Variants in CALN1 observed in about 807,000 individuals in gnomAD.
CALN1 encodes calcium-binding protein 8.
A neutral mutation model predicts 30.6 loss-of-function variants in CALN1; 17 were observed. The ratio of observed to expected loss-of-function variants is 0.56; its 90% CI spans 0.38 to 0.83. CALN1 has a LOEUF of 0.83. CALN1 is among the 40% of genes least tolerant of loss of function. CALN1 has a pLI of 0.00. For synonymous variants in CALN1, 156 were observed against 131.4 expected, an observed-to-expected ratio of 1.19 and a Z score of -1.28; for missense variants, 291 against 354.9, an observed-to-expected ratio of 0.82 and a Z score of 1.45.
chr7:71,801,428 G>GTATGTATGTATGTATCTATCTATC (rs1461292230), intron 6 of CALN1, among the ~76,000 whole-genome samples: 3 of 87,698 alleles, frequency 3.4e-5, no homozygotes, highest in African/African-American at 8.8e-5. Flanking sequence ...ATGTATGTAT[G>GTATGTATGTATGTATCTATCTATC]TATCTATCTA....
intron 5 of CALN1, among the ~76,000 whole-genome samples, chr7:72,007,728 A>G (rs1411932101): frequency 6.6e-6 from 1 of 152,108 alleles, no homozygotes; most frequent in Admixed American, 6.6e-5. Flanking sequence ...ACTTTTTAAA[A>G]ATTATTTTGT....
intron 5 of CALN1, among the ~76,000 whole-genome samples, chr7:71,832,851 C>G (rs1188318970): frequency 6.6e-6 from 1 of 152,078 alleles, no homozygotes; most frequent in Non-Finnish European, 1.5e-5. Context: ...GGTGATCCAC[C>G]CGCATTGGCC....
chr7:71,892,114 T>C (rs759962792), intron 5 of CALN1, among the ~76,000 whole-genome samples: 3 of 152,184 alleles, frequency 2.0e-5, no homozygotes, highest in Non-Finnish European at 4.4e-5. Flanking sequence ...TAAATGTTTA[T>C]TGAAGTGCAC....
At chr7:72,034,227 G>T (rs1030164971) in intron 4 of CALN1, among the ~76,000 whole-genome samples, 7 of 151,748 alleles carry the variant, frequency 4.6e-5, no homozygotes, top group Admixed American at 1.3e-4. Flanking sequence ...GGTGGCGGGC[G>T]CCTGTAGTCC....
At chr7:72,152,521 C>T (rs1787331006) in intron 3 of CALN1, among the ~76,000 whole-genome samples, 1 of 152,146 alleles carries the variant, frequency 6.6e-6, no homozygotes, top group African/African-American at 2.4e-5. Context: ...CAGTTTGATA[C>T]AACCTATCTA....
intron 3 of CALN1, among the ~76,000 whole-genome samples, chr7:72,169,106 CTATT>C (rs1585082045): frequency 7.2e-6 from 1 of 138,002 alleles, no homozygotes; most frequent in Non-Finnish European, 1.7e-5. Flanking sequence ...ACATCTAGCC[CTATT>C]TATTTCTTTA....
At chr7:71,788,871 G>A (rs1347387116) in intron 6 of CALN1, among the ~76,000 whole-genome samples, 1 of 151,178 alleles carries the variant, frequency 6.6e-6, no homozygotes, top group Non-Finnish European at 1.5e-5. Flanking sequence ...CGTTAGCCAG[G>A]ATGATCTCGA....
At chr7:72,206,224 A>G (rs1791874216) in intron 3 of CALN1, among the ~76,000 whole-genome samples, 1 of 152,214 alleles carries the variant, frequency 6.6e-6, no homozygotes, top group South Asian at 2.1e-4. Flanking sequence ...TGTTATTGTT[A>G]TATTTGAAAT....
intron 2 of CALN1, among the ~76,000 whole-genome samples, chr7:72,396,294 G>A (rs1265059279): frequency 7.3e-6 from 1 of 137,274 alleles, no homozygotes; most frequent in African/African-American, 2.7e-5. Flanking sequence ...TTGCTGGCAG[G>A]CACCTGTAAT....
intron 3 of CALN1, among the ~76,000 whole-genome samples, chr7:72,278,472 T>TACAC (rs59010102): frequency 0.022 from 3,117 of 144,032 alleles, 56 homozygotes; most frequent in African/African-American, 0.045. Context: ...ATCAGGTCTG[T>TACAC]ACACACACAC....
At chr7:72,322,065 A>G (rs1233818351) in intron 2 of CALN1, among the ~76,000 whole-genome samples, 1 of 152,118 alleles carries the variant, frequency 6.6e-6, no homozygotes, top group Non-Finnish European at 1.5e-5. Flanking sequence ...CTTTATTTCT[A>G]TTATTATTAG....
rs148509664 is a variant in CALN1 at position 72,045,348 on chromosome 7, G to T, written c.389-21579C>A. 3.4e-3 allele frequency among the ~76,000 whole-genome samples: 525 copies of T among 152,294 alleles called. 2 individuals are homozygous for T. Among genetic ancestry groups the T allele is most frequent in the African/African-American group, 0.012 (505 of 41,564 alleles). On this transcript the variant is annotated intron_variant, in intron 4 of 6. Coordinates refer to ENST00000395275, the MANE Select transcript of CALN1 (RefSeq NM_031468.4). ...TGACTATGTGTGCTTGGATTACTAG[G>T]AAGTCTGGCATCTTGTCCCCCTTCC...
At chr7:72,042,610 C>T (rs1417929099) in intron 4 of CALN1, among the ~76,000 whole-genome samples, 5 of 152,084 alleles carry the variant, frequency 3.3e-5, no homozygotes, top group South Asian at 2.1e-4. Flanking sequence ...ATCACACGTA[C>T]GTATAACCCC....
chr7:71,856,687 G>A (rs916126129), intron 5 of CALN1, among the ~76,000 whole-genome samples: 2 of 152,118 alleles, frequency 1.3e-5, no homozygotes, highest in African/African-American at 4.8e-5. Context: ...GGGTGTGGTG[G>A]CTCATGCCTA....
chr7:71,787,877 C>T lies in CALN1; in HGVS notation c.684G>A (p.Gln228=). ...ATATGAGGCTCTTCCGGACGCAGGT[C>T]TGTCTGTTCTGCTTCTGGGAATGCA... ...EGVHSQKQNR[Q]TCVRKSLICA... is the part of the protein sequence containing the mutation. The change falls in exon 7 of 7, where the codon CAG becomes CAA. Residue 228 remains glutamine (Q), a synonymous_variant. Transcript: ENST00000395275. 6.2e-7 allele frequency: 1 copy of T among 1,614,066 alleles called. No individual in the cohort carries two copies. The highest frequency in any genetic ancestry group is 8.5e-7 in the Non-Finnish European group (1 of 1,180,032).
At chr7:71,822,326 G>A (rs1011096556) in intron 5 of CALN1, among the ~76,000 whole-genome samples, 47 of 152,124 alleles carry the variant, frequency 3.1e-4, no homozygotes, top group Non-Finnish European at 1.0e-4. Context: ...TTGGCTCACT[G>A]CAACCTCCGC....
At chr7:72,209,674 A>C (rs1792250029) in intron 3 of CALN1, among the ~76,000 whole-genome samples, 1 of 152,078 alleles carries the variant, frequency 6.6e-6, no homozygotes, top group Admixed American at 6.6e-5. Flanking sequence ...GAAAACAAAA[A>C]ACCCTCTCTA....
Position 71,929,623 on chromosome 7 carries a change from G to T in CALN1, c.501+94034C>A, listed in dbSNP as rs188788782. On this transcript the variant is annotated intron_variant, in intron 5 of 6. Transcript: ENST00000395275. ...AAATAATATTCCATTGTATGGATAT[G>T]CCACTTTTGTTTATTCATCAGCTGA... Among the ~76,000 whole-genome samples, 948 of 152,302 alleles carry T rather than the reference G, an allele frequency of 6.2e-3. 10 individuals carry two copies. The highest frequency in any genetic ancestry group is 0.021 in the African/African-American group (888 of 41,572).
chr7:72,387,208 GGGAA>G lies in CALN1; in HGVS notation c.119+16039_119+16042del, dbSNP rs1208704202. Among the ~76,000 whole-genome samples the G allele has an allele frequency of 3.3e-5, 4 of 122,432 alleles. No individual in the cohort carries two copies. The East Asian group carries it at 8.5e-4, about 26-fold the overall frequency. The allele number at this position is 122,432 out of a possible 152,430, so 80.3% of individuals were successfully genotyped here. On this transcript the variant is annotated intron_variant, in intron 2 of 6. Transcript: ENST00000395275. Reference sequence around the variant, plus strand: ...ACTAAGGAAGGGAGGGAGGGAGGGAGGGAAGGAAGGAAGGGAAGGAAGGGAAGGG... The same window carrying G: ...ACTAAGGAAGGGAGGGAGGGAGGGAGGGAAGGAAGGGAAGGAAGGGAAGGG...
Sources: gnomAD v4.1 joint callset for allele counts (sites outside exome capture counted in the v4.1 genomes callset) on GRCh38, gnomAD v4.1.1 for gene constraint, MANE v1.5 for transcripts, NCBI Gene and HGNC (gene_info 2026-07-23, HGNC 2026-07-21) for gene names.